Variants in NEURL1 observed in about 807,000 individuals in gnomAD.
NEURL1 encodes neuralized E3 ubiquitin protein ligase 1.
A neutral mutation model predicts 41.2 loss-of-function variants in NEURL1; 26 were observed. The observed-to-expected ratio is 0.63, with a 90% CI of 0.46 to 0.87. The LOEUF is 0.87. NEURL1 is among the 40% of genes least tolerant of loss of function. The pLI, the probability that NEURL1 is intolerant of heterozygous loss-of-function variation, is 0.00. For missense variants in NEURL1, 761 were observed against 871.1 expected, an observed-to-expected ratio of 0.87 and a Z score of 1.59; for synonymous variants, 400 against 402.3, an observed-to-expected ratio of 0.99 and a Z score of 0.07.
intron 1 of NEURL1, among the ~76,000 whole-genome samples, chr10:103,499,407 C>T (rs560144807): frequency 9.3e-5 from 14 of 150,584 alleles, no homozygotes; most frequent in African/African-American, 3.2e-4. Context: ...CTCCTTCCCT[C>T]CCTTCCTTCC....
At chr10:103,501,034 C>T (rs1202596673) in intron 1 of NEURL1, among the ~76,000 whole-genome samples, 2 of 152,192 alleles carry the variant, frequency 1.3e-5, no homozygotes, top group Admixed American at 6.5e-5. Flanking sequence ...AGTGGGCTGG[C>T]AGCAAAGGCA....
chr10:103,555,134 C>CG (rs1264402730), intron 1 of NEURL1: 1 of 172,408 alleles, frequency 5.8e-6, no homozygotes, highest in Middle Eastern at 2.9e-3. Context: ...AGCGGGGAGG[C>CG]GGCGGCCGGA....
chr10:103,522,625 AGTC>A (rs1328484183), intron 1 of NEURL1, among the ~76,000 whole-genome samples: 47 of 149,048 alleles, frequency 3.2e-4, no homozygotes, highest in African/African-American at 1.1e-3. Flanking sequence ...AAAAAAAAGA[AGTC>A]GTCTTTGTCT....
At chr10:103,543,779 G>A (rs1351036363) in intron 1 of NEURL1, among the ~76,000 whole-genome samples, 1 of 152,202 alleles carries the variant, frequency 6.6e-6, no homozygotes, top group Non-Finnish European at 1.5e-5. Context: ...GGGGCTGAAG[G>A]TGAGGTGGGA....
rs955662629 is a variant in NEURL1 at position 103,557,756 on chromosome 10, C to T, written c.86-13116C>T. On this transcript the variant is annotated intron_variant, in intron 1 of 5. Coordinates refer to ENST00000369780, the MANE Select transcript of NEURL1 (RefSeq NM_004210.5). ...GCCCCAGCGGCTCTGGTTTCACCTTCTTCTGGGAAATGAGCTGGGGCCAGC... is the reference window on the plus strand; with the variant it reads ...GCCCCAGCGGCTCTGGTTTCACCTTTTTCTGGGAAATGAGCTGGGGCCAGC... Among the ~76,000 whole-genome samples the T allele has an allele frequency of 1.3e-5, 2 of 152,258 alleles. 1 individual carries two copies. Among genetic ancestry groups the T allele is most frequent in the Admixed American group, 1.3e-4 (2 of 15,290 alleles).
At chr10:103,581,118 C>T (rs1427116734) in intron 3 of NEURL1, among the ~76,000 whole-genome samples, 1 of 152,092 alleles carries the variant, frequency 6.6e-6, no homozygotes, top group African/African-American at 2.4e-5. Flanking sequence ...TGGGGGTGGT[C>T]CCACTTTACC....
intron 1 of NEURL1, among the ~76,000 whole-genome samples, chr10:103,501,618 T>TTTTTTATTATTATTATTATTA (rs372200333): frequency 8.4e-5 from 12 of 142,596 alleles, no homozygotes; most frequent in African/African-American, 2.9e-4. Flanking sequence ...TCCCACTTTA[T>TTTTTTATTATTATTATTATTA]TTATTATTAT....
At position 103,500,798 on chromosome 10, in the gene NEURL1, C is replaced by G. The variant is rs149167360; in HGVS notation, c.85+6326C>G. Among the ~76,000 whole-genome samples, 226 of 152,346 alleles carry G rather than the reference C, an allele frequency of 1.5e-3. 1 individual carries two copies. Among genetic ancestry groups the G allele is most frequent in the African/African-American group, 4.4e-3 (184 of 41,578 alleles). On this transcript the variant is annotated intron_variant, in intron 1 of 5. Coordinates refer to ENST00000369780, the MANE Select transcript of NEURL1 (RefSeq NM_004210.5). ...TGGAAGCATGTATACCATGCAGGTT[C>G]CCAGCCCCCAGCTCAGACCCGCTGA...
intron 1 of NEURL1, among the ~76,000 whole-genome samples, chr10:103,551,958 C>T (rs959159842): frequency 6.6e-6 from 1 of 152,208 alleles, no homozygotes; most frequent in African/African-American, 2.4e-5. Flanking sequence ...CCTGCCCCAT[C>T]CCTGCTTGCT....
chr10:103,501,618 T>TTTGTTATTATTATTATTA (rs372200333), intron 1 of NEURL1, among the ~76,000 whole-genome samples: 1 of 142,596 alleles, frequency 7.0e-6, no homozygotes, highest in Non-Finnish European at 1.5e-5. Context: ...TCCCACTTTA[T>TTTGTTATTATTATTATTA]TTATTATTAT....
chr10:103,579,132 C>T (rs1315935220), intron 3 of NEURL1, among the ~76,000 whole-genome samples: 1 of 152,254 alleles, frequency 6.6e-6, no homozygotes, highest in Non-Finnish European at 1.5e-5. Context: ...CAGCGTATGG[C>T]AGGGCCGGGT....
intron 1 of NEURL1, among the ~76,000 whole-genome samples, chr10:103,542,176 G>T (rs1034617903): frequency 1.3e-5 from 2 of 152,228 alleles, no homozygotes; most frequent in Non-Finnish European, 2.9e-5. Context: ...CTGGCTGTAT[G>T]TGAGAATTGC....
chr10:103,548,570 G>A (rs937497185), intron 1 of NEURL1, among the ~76,000 whole-genome samples: 1 of 152,080 alleles, frequency 6.6e-6, no homozygotes, highest in Non-Finnish European at 1.5e-5. Flanking sequence ...TGATCTGCCC[G>A]CCTCGGCCTC....
intron 1 of NEURL1, among the ~76,000 whole-genome samples, chr10:103,537,137 T>C (rs2034709625): frequency 6.6e-6 from 1 of 152,268 alleles, no homozygotes; most frequent in Non-Finnish European, 1.5e-5. Context: ...ATTGTATGTA[T>C]GTGCCACATT....
intron 1 of NEURL1, among the ~76,000 whole-genome samples, chr10:103,509,996 CT>C (rs543803120): frequency 1.1e-3 from 164 of 152,200 alleles, no homozygotes; most frequent in African/African-American, 3.8e-3. Context: ...GATTCTCTCC[CT>C]GGGTGGGGTT....
intron 4 of NEURL1, among the ~76,000 whole-genome samples, chr10:103,585,767 A>C (rs1220802524): frequency 4.7e-5 from 7 of 147,402 alleles, no homozygotes; most frequent in African/African-American, 1.8e-4. Flanking sequence ...CAGGAGGCGG[A>C]GCTTGCAGTG....
Position 103,503,788 on chromosome 10 carries a change from CT to C in NEURL1, c.85+9336del, listed in dbSNP as rs56098530. Among the ~76,000 whole-genome samples, 454 of 110,552 alleles carry C rather than the reference CT, an allele frequency of 4.1e-3. 6 individuals carry two copies. In the Middle Eastern group the frequency reaches 0.044, roughly 11 times the overall value. The allele number at this position is 110,552 out of a possible 152,430, so 72.5% of individuals were successfully genotyped here. On this transcript the variant is annotated intron_variant, in intron 1 of 5. Coordinates refer to ENST00000369780, the MANE Select transcript of NEURL1 (RefSeq NM_004210.5). ...AGAGCTCATGCTGTGCTCCCCCTGGCTTTTTTTTTTTTTTTTTTTTGAGACA... is the reference window on the plus strand; with the variant it reads ...AGAGCTCATGCTGTGCTCCCCCTGGCTTTTTTTTTTTTTTTTTTTGAGACA...
intron 1 of NEURL1, among the ~76,000 whole-genome samples, chr10:103,532,888 T>C (rs1045610448): frequency 6.6e-6 from 1 of 151,072 alleles, no homozygotes; most frequent in African/African-American, 2.4e-5. Context: ...TTTCATTAAA[T>C]AGGTTTTCTA....
chr10:103,571,830 C>A lies in NEURL1; in HGVS notation c.649+8C>A. On this transcript the variant is annotated splice_region_variant and intron_variant, in intron 3 of 5. Transcript: ENST00000369780. The stretch of plus-strand genomic sequence containing the variant: ...GGGGCGTCCAGCTGCTTGGTGAGTG[C>A]CTGCCCCTCCGGCCCCTTGGTGCAG... 1 of 1,587,936 alleles carries A rather than the reference C, an allele frequency of 6.3e-7. No individual in the cohort carries two copies. The highest frequency in any genetic ancestry group is 8.6e-7 in the Non-Finnish European group (1 of 1,168,552).
Sources: gnomAD v4.1 joint callset for allele counts (sites outside exome capture counted in the v4.1 genomes callset) on GRCh38, gnomAD v4.1.1 for gene constraint, MANE v1.5 for transcripts, NCBI Gene and HGNC (gene_info 2026-07-23, HGNC 2026-07-21) for gene names.